The following CPA6 variants were observed in gnomAD, a reference collection of about 807,000 sequenced individuals.
CPA6 encodes carboxypeptidase B.
CPA6 carries 58 observed loss-of-function variants against 63.3 expected under a neutral mutation model. The ratio of observed to expected loss-of-function variants is 0.92; its 90% confidence interval spans 0.74 to 1.14. The LOEUF (loss-of-function observed/expected upper bound fraction) is 1.14, where lower values mean the gene tolerates loss of function less well. Among genes scored for constraint, CPA6 ranks in the 50% most tolerant of loss-of-function variants. The pLI is 0.00. For missense variants in CPA6, 565 were observed against 526.6 expected, an observed-to-expected ratio of 1.07 and a Z score of -0.71; for synonymous variants, 185 against 179.0, an observed-to-expected ratio of 1.03 and a Z score of -0.27.
At chr8:67,599,496 C>T (rs1337701421) in intron 2 of CPA6, among the ~76,000 whole-genome samples, 3 of 152,130 alleles carry the variant, frequency 2.0e-5, no homozygotes, top group Admixed American at 2.0e-4. Context: ...CGTGTGCTTC[C>T]CCTTATGGCC....
chr8:67,596,204 A>G (rs1814330762), intron 2 of CPA6, among the ~76,000 whole-genome samples: 1 of 152,138 alleles, frequency 6.6e-6, no homozygotes, highest in South Asian at 2.1e-4. Flanking sequence ...TCCTTTAGTG[A>G]GTATCTGTTA....
At chr8:67,710,371 A>C (rs2129000185) in intron 1 of CPA6, among the ~76,000 whole-genome samples, 1 of 151,960 alleles carries the variant, frequency 6.6e-6, no homozygotes, top group East Asian at 1.9e-4. Flanking sequence ...GCATTAATGT[A>C]GATTCTCTGC....
chr8:67,658,299 G>T (rs1587678180), intron 1 of CPA6, among the ~76,000 whole-genome samples: 1 of 152,086 alleles, frequency 6.6e-6, no homozygotes, highest in East Asian at 1.9e-4. Context: ...CTGTCTCCCT[G>T]GCTGCAGCAC....
intron 2 of CPA6, among the ~76,000 whole-genome samples, chr8:67,555,318 G>A (rs2128973544): frequency 6.6e-6 from 1 of 152,194 alleles, no homozygotes; most frequent in East Asian, 1.9e-4. Context: ...GCCAGAGATT[G>A]AGTTCAGTCA....
At chr8:67,435,325 T>C (rs993845324) in intron 8 of CPA6, among the ~76,000 whole-genome samples, 2 of 151,952 alleles carry the variant, frequency 1.3e-5, no homozygotes, top group African/African-American at 4.8e-5. Context: ...TCTTCCCAGC[T>C]CAGGCAGATG....
At chr8:67,635,259 A>G (rs1247088323) in intron 1 of CPA6, among the ~76,000 whole-genome samples, 3 of 151,052 alleles carry the variant, frequency 2.0e-5, no homozygotes, top group African/African-American at 7.4e-5. Flanking sequence ...AACATGACAC[A>G]ATTTGATTCC....
At chr8:67,650,491 G>A (rs967659789) in intron 1 of CPA6, among the ~76,000 whole-genome samples, 2 of 152,094 alleles carry the variant, frequency 1.3e-5, no homozygotes, top group African/African-American at 4.8e-5. Flanking sequence ...AGGAGGAGGA[G>A]GTACTGCTCC....
At chr8:67,422,797 C>T in intron 10 of CPA6, 106 bp from the exon 11 acceptor site, 1 of 805,952 alleles carries the variant, frequency 1.2e-6, no homozygotes, top group Non-Finnish European at 1.9e-6. Context: ...TTACTAAATC[C>T]TTCCAATTAA....
intron 2 of CPA6, among the ~76,000 whole-genome samples, chr8:67,591,682 C>T (rs1195928156): frequency 6.6e-6 from 1 of 152,122 alleles, no homozygotes; most frequent in African/African-American, 2.4e-5. Flanking sequence ...ATTTGGCTCT[C>T]TGTTTGTCTG....
At chr8:67,739,340 A>G (rs1472613706) in intron 1 of CPA6, among the ~76,000 whole-genome samples, 1 of 152,226 alleles carries the variant, frequency 6.6e-6, no homozygotes, top group Non-Finnish European at 1.5e-5. Flanking sequence ...TAGGGGCTGT[A>G]CTTTGAGCTA....
intron 8 of CPA6, among the ~76,000 whole-genome samples, chr8:67,477,153 T>TG (rs1563968863): frequency 6.6e-6 from 1 of 151,568 alleles, no homozygotes; most frequent in Non-Finnish European, 1.5e-5. Context: ...TAGTTGGGAG[T>TG]GGTGGCGGGC....
At chr8:67,529,645 G>A (rs1247772197) in intron 2 of CPA6, among the ~76,000 whole-genome samples, 2 of 152,174 alleles carry the variant, frequency 1.3e-5, no homozygotes, top group Admixed American at 6.5e-5. Flanking sequence ...TAGAAAATAA[G>A]TAGGTCAAGT....
At chr8:67,680,440 T>C (rs1240013121) in intron 1 of CPA6, among the ~76,000 whole-genome samples, 4 of 150,182 alleles carry the variant, frequency 2.7e-5, no homozygotes, top group Admixed American at 2.0e-4. Context: ...GCCATGAAAG[T>C]GCCACTGCAC....
intron 2 of CPA6, among the ~76,000 whole-genome samples, chr8:67,590,813 A>C (rs1248748812): frequency 6.6e-6 from 1 of 150,394 alleles, no homozygotes; most frequent in African/African-American, 2.4e-5. Context: ...AGGTTGCGAA[A>C]ATTTTCTCCC....
intron 10 of CPA6, among the ~76,000 whole-genome samples, chr8:67,426,482 T>C (rs970345025): frequency 1.3e-5 from 2 of 152,088 alleles, no homozygotes; most frequent in Non-Finnish European, 2.9e-5. Context: ...GAAAAACAGT[T>C]CTAAAAAGGT....
chr8:67,538,897 G>A (rs550825289), intron 2 of CPA6, among the ~76,000 whole-genome samples: 54 of 152,266 alleles, frequency 3.5e-4, no homozygotes, highest in Admixed American at 9.8e-4. Flanking sequence ...CTGACCTCAT[G>A]ATCTGCCTGC....
intron 1 of CPA6, among the ~76,000 whole-genome samples, chr8:67,651,882 T>A (rs1307387954): frequency 6.6e-6 from 1 of 151,988 alleles, no homozygotes; most frequent in Non-Finnish European, 1.5e-5. Flanking sequence ...CCTAAAGCTA[T>A]CCCTCCCCCC....
At position 67,428,069 on chromosome 8, in the gene CPA6, A is replaced by G. The variant is rs1448243852; in HGVS notation, c.1104T>C (p.Tyr368=). 2 of 1,612,382 alleles carry G rather than the reference A, an allele frequency of 1.2e-6. No homozygotes were observed. Among genetic ancestry groups the G allele is most frequent in the East Asian group, 2.2e-5 (1 of 44,850 alleles). The stretch of plus-strand genomic sequence containing the variant: ...TACACAACGTTGTGGAGGCTGGTCC[A>G]TATCTGTATCGTACCCCGTATACTG... ...LQSVYGVRYR[Y]GPASTTLYVS... The change falls in exon 10 of 11, where the codon TAT becomes TAC. Residue 368 remains tyrosine, a synonymous_variant. Transcript: ENST00000297770.
chr8:67,521,883 T>G (rs898069650), intron 2 of CPA6, among the ~76,000 whole-genome samples: 1 of 152,214 alleles, frequency 6.6e-6, no homozygotes. Context: ...TTAGTCTCTG[T>G]GTGATTTTGG....
Sources: gnomAD v4.1 joint callset for allele counts (sites outside exome capture counted in the v4.1 genomes callset) on GRCh38, gnomAD v4.1.1 for gene constraint, MANE v1.5 for transcripts, NCBI Gene and HGNC (gene_info 2026-07-23, HGNC 2026-07-21) for gene names.